The following PLEKHO1 variants were observed in gnomAD, a reference collection of about 807,000 sequenced individuals.
The protein encoded by PLEKHO1 is pleckstrin homology domain containing O1, also known as pleckstrin homology domain-containing family O member 1.
In PLEKHO1, 22 loss-of-function variants were observed where a neutral mutation model predicts 41.4. That is an observed-to-expected ratio of 0.53 (90% confidence interval 0.38 to 0.76). The LOEUF is 0.76. PLEKHO1 is among the 30% of genes least tolerant of loss of function. PLEKHO1 has a pLI of 0.00. For missense variants in PLEKHO1, 488 were observed against 518.3 expected (o/e 0.94, Z 0.57); for synonymous variants, 225 against 210.8 (o/e 1.07, Z -0.58).
chr1:150,158,418 G>C (rs1365107030), intron 5 of PLEKHO1, among the ~76,000 whole-genome samples: 2 of 152,176 alleles, frequency 1.3e-5, no homozygotes, highest in Non-Finnish European at 2.9e-5. Context: ...AGGCAGGGGG[G>C]CTCACACCTG....
In PLEKHO1 at chr1:150,157,403, A is replaced by C. The variant is rs782142143; in HGVS notation, c.442A>C (p.Ser148Arg). ...ILDEVTVEED[S>R]YLAHPTRDRA... ...TCTTCAGGTCACCGTTGAGGAGGACAGCTATCTTGCCCATCCCACTCGAGA... is the reference window on the plus strand; with the variant it reads ...TCTTCAGGTCACCGTTGAGGAGGACCGCTATCTTGCCCATCCCACTCGAGA... The change falls in exon 5 of 6, where the codon AGC becomes CGC. Residue 148 changes from serine to arginine, a missense_variant. Physicochemically the swap from Ser to Arg is moderately radical, Grantham distance 110. Coordinates refer to ENST00000369124, the MANE Select transcript of PLEKHO1 (RefSeq NM_016274.6). 1 of 1,613,788 alleles carries C rather than the reference A, an allele frequency of 6.2e-7. No homozygotes were observed. Among genetic ancestry groups the C allele is most frequent in the Non-Finnish European group, 8.5e-7 (1 of 1,179,716 alleles).
At chr1:150,152,325 A>C (rs1177029787) in intron 2 of PLEKHO1, among the ~76,000 whole-genome samples, 1 of 152,114 alleles carries the variant, frequency 6.6e-6, no homozygotes, top group African/African-American at 2.4e-5. Flanking sequence ...AGGTGAGGGC[A>C]CTTTTCTTGG....
chr1:150,150,903 C>T lies in PLEKHO1; in HGVS notation c.31-9C>T. On this transcript the variant is annotated splice_polypyrimidine_tract_variant and intron_variant, in intron 1 of 5. Coordinates refer to ENST00000369124, the MANE Select transcript of PLEKHO1 (RefSeq NM_016274.6). ...CTAACCGCCCGCTTCTCATCTTGTC[C>T]TGGGGCAGGGACCTCAGGATGGAAA... 1 of 1,613,432 alleles carries T rather than the reference C, an allele frequency of 6.2e-7. No individual in the cohort carries two copies. The highest frequency in any genetic ancestry group is 8.5e-7 in the Non-Finnish European group (1 of 1,179,376).
chr1:150,158,742 C>T (rs1219716018), intron 5 of PLEKHO1, 77 bp from the exon 6 acceptor site: 3 of 971,436 alleles, frequency 3.1e-6, no homozygotes, highest in East Asian at 2.4e-5. Context: ...ATGACCACAG[C>T]TTGCATCTTT....
rs1659821366 is a variant in PLEKHO1, at chr1:150,150,209, ACGCGGGGCCGCC to A, written c.-47_-36del. On this transcript the variant is annotated 5_prime_UTR_variant, in exon 1 of 6. Transcript: ENST00000369124. ...CCCCCGCGGTGCCGCCGAGGCCCCG[ACGCGGGGCCGCC>A]CCTCGGCTCGCCGCCCCGCGCCCGC... is the stretch of plus-strand genomic sequence containing the variant. The A allele has an allele frequency of 8.2e-6, 8 of 980,692 alleles. No homozygotes were observed. The highest frequency in any genetic ancestry group is 9.8e-6 in the Non-Finnish European group (8 of 817,918). The allele number at this position is 980,692 out of a possible 1,614,324, so 60.7% of individuals were successfully genotyped here.
rs782744308 is a variant in PLEKHO1 at position 150,159,028 on chromosome 1, A to G, written c.735A>G (p.Glu245=). 4 of 1,614,034 alleles carry G rather than the reference A, an allele frequency of 2.5e-6. No homozygotes were observed. The East Asian group carries it at 6.7e-5, about 27-fold the overall frequency. The stretch of plus-strand genomic sequence containing the variant: ...CAAGCAGTCTCTCCCGACCTTGGGA[A>G]AAAACAGACAAAGGGGCCACCTACA... ...DRASSLSRPW[E]KTDKGATYTP... is the part of the protein sequence containing the mutation. Residue 245 remains glutamate (E), a synonymous_variant, in exon 6 of 6, where the codon GAA becomes GAG. Coordinates refer to ENST00000369124, the MANE Select transcript of PLEKHO1 (RefSeq NM_016274.6).
rs782042423 is a variant in PLEKHO1 at position 150,150,881 on chromosome 1, ACCGC to A, written c.31-26_31-23del. On this transcript the variant is annotated intron_variant, in intron 1 of 5. Transcript: ENST00000369124. ...AGGAAGCGCCGGCTGGAATCTCCTA[ACCGC>A]CCGCTTCTCATCTTGTCCTGGGGCA... 3.1e-6 allele frequency: 5 copies of A among 1,609,280 alleles called. No homozygotes were observed. The East Asian group carries it at 1.1e-4, about 36-fold the overall frequency.
chr1:150,159,044 G>T lies in PLEKHO1; in HGVS notation c.751G>T (p.Ala251Ser). ...ACCTTGGGAAAAAACAGACAAAGGG[G>T]CCACCTACACCCCCCAGGCACCCAA... ...SRPWEKTDKG[A>S]TYTPQAPKKL... is the part of the protein sequence containing the mutation. The change falls in exon 6 of 6, where the codon GCC becomes TCC. Residue 251 changes from alanine to serine, a missense_variant. Ala to Ser is a moderately conservative substitution (Grantham distance 99, BLOSUM62 1). Coordinates refer to ENST00000369124, the MANE Select transcript of PLEKHO1 (RefSeq NM_016274.6). 1 of 1,614,044 alleles carries T rather than the reference G, an allele frequency of 6.2e-7. No individual in the cohort carries two copies. The highest frequency in any genetic ancestry group is 8.5e-7 in the Non-Finnish European group (1 of 1,179,974).
Position 150,151,183 on chromosome 1 carries a change from A to G in PLEKHO1, c.177+125A>G, listed in dbSNP as rs1553818930. On this transcript the variant is annotated intron_variant, in intron 2 of 5. Transcript: ENST00000369124. ...AGGCAAGTTCAGTGGTCTCCTCTCTACCCCCATCTCATCTGCAGAGAAAGG... is the reference window on the plus strand; with the variant it reads ...AGGCAAGTTCAGTGGTCTCCTCTCTGCCCCCATCTCATCTGCAGAGAAAGG... 6.2e-6 allele frequency: 6 copies of G among 972,776 alleles called. No homozygotes were observed. In the Admixed American group the frequency reaches 1.4e-4, roughly 22 times the overall value. 60.3% of individuals were successfully genotyped at this position (972,776 alleles called of 1,614,324 possible).
At position 150,157,005 on chromosome 1, in the gene PLEKHO1, T is replaced by C; in HGVS notation, c.413T>C (p.Ile138Thr). The C allele has an allele frequency of 6.2e-7, 1 of 1,606,598 alleles. No homozygotes were observed. The highest frequency in any genetic ancestry group is 8.5e-7 in the Non-Finnish European group (1 of 1,173,386). Residue 138 changes from isoleucine to threonine, a missense_variant, in exon 4 of 6, where the codon ATC becomes ACC. By Grantham distance (89) the Ile-to-Thr change is moderately conservative (BLOSUM62 -1). Around this residue, in one of 3 missense-constraint regions of PLEKHO1, gnomAD observed 59 missense variants for 111.5 expected, o/e 0.53. Coordinates refer to ENST00000369124, the MANE Select transcript of PLEKHO1 (RefSeq NM_016274.6). ...GCCATCACCCGAGCCAAGAACCGTA[T>C]CTTGGATGAGGTCAGGGGGCTCACT... Reference protein sequence around the residue: ...NSAITRAKNRILDEVTVEEDS... With the variant: ...NSAITRAKNRTLDEVTVEEDS...
intron 2 of PLEKHO1, 56 bp downstream of exon 2, chr1:150,151,114 C>T (rs1476461483): frequency 3.8e-6 from 6 of 1,595,396 alleles, no homozygotes; most frequent in Non-Finnish European, 3.4e-6. Context: ...CTTTGTCACT[C>T]CCCAAGGGCT....
chr1:150,159,010 T>G lies in PLEKHO1; in HGVS notation c.717T>G (p.Ser239Arg). 1 of 1,613,698 alleles carries G rather than the reference T, an allele frequency of 6.2e-7. No individual in the cohort carries two copies. Among genetic ancestry groups the G allele is most frequent in the Non-Finnish European group, 8.5e-7 (1 of 1,179,868 alleles). ...RIQPSADRAS[S>R]LSRPWEKTDK... Reference sequence around the variant, plus strand: ...AGCCCTCCGCAGACCGGGCAAGCAGTCTCTCCCGACCTTGGGAAAAAACAG... The same window carrying G: ...AGCCCTCCGCAGACCGGGCAAGCAGGCTCTCCCGACCTTGGGAAAAAACAG... Residue 239 changes from serine (S) to arginine (R), a missense_variant, in exon 6 of 6, where the codon AGT (serine) becomes AGG (arginine). Physicochemically the swap from Ser to Arg is moderately radical, Grantham distance 110. Around this residue, in one of 3 missense-constraint regions of PLEKHO1, gnomAD observed 337 missense variants for 324.6 expected, o/e 1.04. Transcript: ENST00000369124.
At position 150,159,055 on chromosome 1, in the gene PLEKHO1, C is replaced by T. The variant is rs1553821297; in HGVS notation, c.762C>T (p.Thr254=). 4 of 1,614,086 alleles carry T rather than the reference C, an allele frequency of 2.5e-6. No individual in the cohort carries two copies. Among genetic ancestry groups the T allele is most frequent in the East Asian group, 4.5e-5 (2 of 44,870 alleles). ...AAACAGACAAAGGGGCCACCTACACCCCCCAGGCACCCAAGAAGTTGACGC... is the reference window on the plus strand; with the variant it reads ...AAACAGACAAAGGGGCCACCTACACTCCCCAGGCACCCAAGAAGTTGACGC... ...WEKTDKGATY[T]PQAPKKLTPT... is the part of the protein sequence containing the mutation. The change falls in exon 6 of 6, where the codon ACC becomes ACT. Residue 254 remains threonine, a synonymous_variant. Coordinates refer to ENST00000369124, the MANE Select transcript of PLEKHO1 (RefSeq NM_016274.6).
In PLEKHO1 at chr1:150,158,801, T is replaced by C. The variant is rs782304018; in HGVS notation, c.526-18T>C. The C allele has an allele frequency of 7.7e-6, 12 of 1,553,234 alleles. No homozygotes were observed. In the East Asian group the frequency reaches 2.7e-4, roughly 35 times the overall value. On this transcript the variant is annotated intron_variant, in intron 5 of 5. Coordinates refer to ENST00000369124, the MANE Select transcript of PLEKHO1 (RefSeq NM_016274.6). ...TCCTGATGACAGGTTCCCCACTCAT[T>C]CCCCCCTTCCTCCACAGGCTTCCAC...
At chr1:150,150,355 G>C in intron 1 of PLEKHO1, 68 bp downstream of exon 1, 1 of 793,184 alleles carries the variant, frequency 1.3e-6, no homozygotes. Context: ...CTCCGTCGGC[G>C]CCGCGGCGGC....
chr1:150,150,233 C>T lies in PLEKHO1; in HGVS notation c.-25C>T. On this transcript the variant is annotated 5_prime_UTR_variant, in exon 1 of 6. Transcript: ENST00000369124. ...GACGCGGGGCCGCCCCTCGGCTCGCCGCCCCGCGCCCGCGCCCGCTGGGAA... is the reference window on the plus strand; with the variant it reads ...GACGCGGGGCCGCCCCTCGGCTCGCTGCCCCGCGCCCGCGCCCGCTGGGAA... 1 of 1,046,766 alleles carries T rather than the reference C, an allele frequency of 9.6e-7. No individual in the cohort carries two copies. The highest frequency in any genetic ancestry group is 1.2e-6 in the Non-Finnish European group (1 of 864,896). 64.8% of individuals were successfully genotyped at this position (1,046,766 alleles called of 1,614,324 possible).
Position 150,157,460 on chromosome 1 carries a change from C to G in PLEKHO1, c.499C>G (p.Pro167Ala). 1 of 1,613,592 alleles carries G rather than the reference C, an allele frequency of 6.2e-7. No homozygotes were observed. Among genetic ancestry groups the G allele is most frequent in the Non-Finnish European group, 8.5e-7 (1 of 1,179,516 alleles). Residue 167 changes from proline (P) to alanine (A), a missense_variant, in exon 5 of 6, where the codon CCA becomes GCA. By Grantham distance (27) the Pro-to-Ala change is conservative. Transcript: ENST00000369124. ...RAKIQHSRRP[P>A]TRGHLMAVAS... ...AAAAATCCAGCACTCCCGCCGCCCC[C>G]CAACAAGGGGACACCTAATGGCTGT...
intron 2 of PLEKHO1, chr1:150,154,705 G>C (rs1013076117): frequency 6.6e-6 from 1 of 152,262 alleles, no homozygotes; most frequent in Non-Finnish European, 1.5e-5. Flanking sequence ...GTGGGTAGAT[G>C]TCATCCAAGG....
At chr1:150,151,720 G>A (rs1659942329) in intron 2 of PLEKHO1, among the ~76,000 whole-genome samples, 1 of 151,688 alleles carries the variant, frequency 6.6e-6, no homozygotes, top group Non-Finnish European at 1.5e-5. Context: ...GAGAAATGGA[G>A]TTAAGAACCC....
Sources: gnomAD v4.1 joint callset for allele counts (sites outside exome capture counted in the v4.1 genomes callset) on GRCh38, gnomAD v4.1.1 for gene constraint, gnomAD v4.1.1 regional missense constraint, MANE v1.5 for transcripts, NCBI Gene and HGNC (gene_info 2026-07-23, HGNC 2026-07-21) for gene names.